Variants in PITPNM2 observed in about 807,000 individuals in gnomAD.
The protein encoded by PITPNM2 is phosphatidylinositol transfer protein membrane associated 2, also known as membrane-associated phosphatidylinositol transfer protein 2.
In PITPNM2, 35 loss-of-function variants were observed where a neutral mutation model predicts 132.2. The ratio of observed to expected loss-of-function variants is 0.26; its 90% confidence interval spans 0.20 to 0.35. The LOEUF is 0.35. PITPNM2 is among the 10% of genes least tolerant of loss of function. The pLI is 1.00. For missense variants in PITPNM2, 1,332 were observed against 1,912.0 expected (o/e 0.70, Z 5.66); for synonymous variants, 738 against 799.2 (o/e 0.92, Z 1.29).
At chr12:123,132,362 G>A (rs945672273) in intron 1 of PITPNM2, among the ~76,000 whole-genome samples, 1 of 152,194 alleles carries the variant, frequency 6.6e-6, no homozygotes, top group African/African-American at 2.4e-5. Context: ...ACAGGTGTGG[G>A]GTCGCCTCTC....
intron 2 of PITPNM2, chr12:123,088,873 T>C (rs2042185646): frequency 6.6e-6 from 1 of 152,204 alleles, no homozygotes; most frequent in African/African-American, 2.4e-5. Context: ...TATGTCTCCT[T>C]TGCACTCATG....
rs781133848 is a variant in PITPNM2, at chr12:122,987,339, T to C, written c.3355A>G (p.Ser1119Gly). 1 of 1,612,682 alleles carries C rather than the reference T, an allele frequency of 6.2e-7. No homozygotes were observed. The change falls in exon 23 of 26, where the codon AGC (serine) becomes GGC (glycine). Residue 1119 changes from serine (S) to glycine (G), a missense_variant. Coordinates refer to ENST00000320201, the MANE Select transcript of PITPNM2 (RefSeq NM_020845.3). ...GGGTCGCTGCCCATGATGGACACGC[T>C]AGCGGCAAAGGAACCGTCGATGCTG... ...VFSIDGSFAA[S>G]VSIMGSDPKV... is the part of the protein sequence containing the mutation.
Position 123,037,957 on chromosome 12 carries a change from G to A in PITPNM2, c.-95-3272C>T, listed in dbSNP as rs1243759891. On this transcript the variant is annotated intron_variant, in intron 2 of 25. Transcript: ENST00000320201. ...TTGCACAGGTGCTGTCCACAGCTCC[G>A]CTGGGATATTTTTGCGTGCAGGCAG... Among the ~76,000 whole-genome samples the A allele has an allele frequency of 4.6e-5, 7 of 151,982 alleles. No individual in the cohort carries two copies. In the East Asian group the frequency reaches 7.7e-4, roughly 17 times the overall value.
chr12:123,034,387 T>C (rs1252757205), intron 3 of PITPNM2, 126 bp downstream of exon 3: 8 of 867,126 alleles, frequency 9.2e-6, no homozygotes, highest in Non-Finnish European at 1.3e-5. Flanking sequence ...CAATTCACAC[T>C]TACCAGGAAG....
chr12:123,037,302 T>G (rs1592963735), intron 2 of PITPNM2, among the ~76,000 whole-genome samples: 2 of 152,006 alleles, frequency 1.3e-5, no homozygotes, highest in East Asian at 3.9e-4. Flanking sequence ...TTGAGGGAAG[T>G]TGGAGGAAAT....
chr12:123,086,410 T>C (rs2042112782), intron 2 of PITPNM2, among the ~76,000 whole-genome samples: 2 of 152,180 alleles, frequency 1.3e-5, no homozygotes, highest in Admixed American at 1.3e-4. Flanking sequence ...ATAGTAAGTG[T>C]TTAGCATATG....
chr12:123,093,360 T>C (rs529070950), intron 2 of PITPNM2, among the ~76,000 whole-genome samples: 1 of 152,374 alleles, frequency 6.6e-6, no homozygotes, highest in East Asian at 1.9e-4. Flanking sequence ...GTGTTCATTA[T>C]ACAACTCTGT....
intron 1 of PITPNM2, among the ~76,000 whole-genome samples, chr12:123,141,634 G>A (rs536564421): frequency 8.5e-5 from 13 of 152,302 alleles, no homozygotes; most frequent in Admixed American, 7.2e-4. Flanking sequence ...ATAACACAGA[G>A]TCGACGAGGC....
At chr12:122,997,651 G>T (rs2038489364) in intron 10 of PITPNM2, 79 bp from the exon 11 acceptor site, 4 of 1,547,244 alleles carry the variant, frequency 2.6e-6, no homozygotes, top group African/African-American at 1.4e-5. Flanking sequence ...CCTTGTTGGG[G>T]GTGTGCCTCT....
intron 18 of PITPNM2, among the ~76,000 whole-genome samples, chr12:122,989,107 C>CGTGGGA (rs988199323): frequency 7.2e-5 from 11 of 152,174 alleles, no homozygotes; most frequent in African/African-American, 2.4e-4. Flanking sequence ...CCTGCGGTTG[C>CGTGGGA]GTGGGAGGAC....
rs755402384 is a variant in PITPNM2, at chr12:122,986,425, C to T, written c.3726+11G>A. 5.1e-6 allele frequency: 8 copies of T among 1,566,840 alleles called. No homozygotes were observed. The highest frequency in any genetic ancestry group is 2.4e-5 in the East Asian group (1 of 42,466). On this transcript the variant is annotated intron_variant, in intron 25 of 25. Coordinates refer to ENST00000320201, the MANE Select transcript of PITPNM2 (RefSeq NM_020845.3). ...CCCGCCTGCACCCGCCCCCACAATG[C>T]GCCCACTCACCTGGCACTGCTGCTG...
At chr12:123,136,648 A>C (rs1348605173) in intron 1 of PITPNM2, among the ~76,000 whole-genome samples, 1 of 152,156 alleles carries the variant, frequency 6.6e-6, no homozygotes, top group African/African-American at 2.4e-5. Flanking sequence ...CTGTAATCCC[A>C]GCATTTTGGG....
At chr12:123,061,645 C>T (rs1045825183) in intron 2 of PITPNM2, among the ~76,000 whole-genome samples, 4 of 152,170 alleles carry the variant, frequency 2.6e-5, no homozygotes, top group South Asian at 2.1e-4. Flanking sequence ...CAAGATGATG[C>T]GTCTCACAGG....
Position 122,996,743 on chromosome 12 carries a change from T to G in PITPNM2, c.1640A>C (p.Glu547Ala). 1 of 1,611,586 alleles carries G rather than the reference T, an allele frequency of 6.2e-7. No homozygotes were observed. Among genetic ancestry groups the G allele is most frequent in the Non-Finnish European group, 8.5e-7 (1 of 1,179,348 alleles). ...LAYGDFIKSQEGMTFNGQVCL... is the reference protein window; with the variant it reads ...LAYGDFIKSQAGMTFNGQVCL... ...CACCTGCCCATTGAAGGTCATGCCC[T>G]CCTGGGACTTGATGAAGTCCCCATA... The change falls in exon 12 of 26, where the codon GAG (glutamate) becomes GCG (alanine). Residue 547 changes from glutamate (E) to alanine (A), a missense_variant. Physicochemically the swap from Glu to Ala is moderately radical, Grantham distance 107. Transcript: ENST00000320201.
chr12:123,112,826 C>T (rs1184835861), intron 1 of PITPNM2, among the ~76,000 whole-genome samples: 2 of 152,180 alleles, frequency 1.3e-5, no homozygotes, highest in Admixed American at 6.5e-5. Context: ...GCGTGAGCCA[C>T]TGCACCCAGC....
At chr12:123,016,650 T>A (rs888482499) in intron 3 of PITPNM2, among the ~76,000 whole-genome samples, 4 of 152,012 alleles carry the variant, frequency 2.6e-5, no homozygotes, top group Admixed American at 6.6e-5. Flanking sequence ...GTGGTTAGTA[T>A]TCAAAAAAAC....
chr12:123,096,795 A>G (rs777442869), intron 2 of PITPNM2, among the ~76,000 whole-genome samples: 2 of 152,174 alleles, frequency 1.3e-5, no homozygotes, highest in Non-Finnish European at 2.9e-5. Flanking sequence ...AAAAAGACAC[A>G]GGAAGGTGGC....
chr12:123,030,766 A>C (rs1230453073), intron 3 of PITPNM2, among the ~76,000 whole-genome samples: 1 of 152,246 alleles, frequency 6.6e-6, no homozygotes, highest in Non-Finnish European at 1.5e-5. Flanking sequence ...TGAATGGATA[A>C]GCAAAATGTG....
In PITPNM2 at chr12:123,005,139, A is replaced by G. The variant is rs984687486; in HGVS notation, c.952+101T>C. The G allele has an allele frequency of 6.5e-5, 91 of 1,394,932 alleles. No individual in the cohort carries two copies. In the African/African-American group the frequency reaches 1.1e-3, roughly 17 times the overall value. The allele number at this position is 1,394,932 out of a possible 1,614,324, so 86.4% of individuals were successfully genotyped here. On this transcript the variant is annotated intron_variant, in intron 7 of 25. Transcript: ENST00000320201. The surrounding 1 kb of genome is among the most constrained non-coding windows in gnomAD (Gnocchi z 6.2). ...CTCTGGGCTTGGTGCCTCAATGTCC[A>G]TGGGAAAGAACTCTGAGGAGGTGCA...
Sources: allele counts gnomAD v4.1 joint callset (sites outside exome capture counted in the v4.1 genomes callset), GRCh38; gene constraint gnomAD v4.1.1; non-coding constraint Gnocchi (gnomAD v3.1); transcripts MANE v1.5; gene names NCBI Gene and HGNC (gene_info 2026-07-23, HGNC 2026-07-21).